The following JAZF1 variants were observed in gnomAD, a reference collection of about 807,000 sequenced individuals.
JAZF1 encodes the protein JAZF zinc finger 1.
JAZF1 carries 8 observed loss-of-function variants against 26.4 expected under a neutral mutation model. That is an observed-to-expected ratio of 0.30 (90% CI 0.18 to 0.55). The LOEUF is 0.55. Ranked by LOEUF, JAZF1 falls within the 20% of genes least tolerant of loss-of-function variation. The pLI, the probability that JAZF1 is intolerant of heterozygous loss-of-function variation, is 0.94. For synonymous variants in JAZF1, 126 were observed against 122.3 expected, an observed-to-expected ratio of 1.03 and a Z score of -0.20; for missense variants, 199 against 322.0, an observed-to-expected ratio of 0.62 and a Z score of 2.92.
chr7:28,067,772 A>T (rs1461638759), intron 1 of JAZF1, among the ~76,000 whole-genome samples: 1 of 152,216 alleles, frequency 6.6e-6, no homozygotes, highest in Non-Finnish European at 1.5e-5. Context: ...TGCTCAAACC[A>T]ATCTTCAAAC....
At chr7:28,007,009 C>T (rs1782712915) in intron 1 of JAZF1, among the ~76,000 whole-genome samples, 2 of 152,172 alleles carry the variant, frequency 1.3e-5, no homozygotes, top group Non-Finnish European at 1.5e-5. Flanking sequence ...CCCAGAAGCA[C>T]ATGGAACACT....
At chr7:27,835,386 GC>G (rs1440528634) in intron 4 of JAZF1, among the ~76,000 whole-genome samples, 10 of 152,302 alleles carry the variant, frequency 6.6e-5, no homozygotes, top group African/African-American at 2.4e-4. Flanking sequence ...AGAAGGACAA[GC>G]CAGGGCTGAG....
At chr7:27,976,238 C>A (rs760384730) in intron 2 of JAZF1, among the ~76,000 whole-genome samples, 3 of 149,080 alleles carry the variant, frequency 2.0e-5, no homozygotes, top group African/African-American at 7.5e-5. Flanking sequence ...CCCAGCTACT[C>A]GGGAGGCTGA....
chr7:27,889,484 C>A (rs1427661572), intron 3 of JAZF1, among the ~76,000 whole-genome samples: 4 of 152,160 alleles, frequency 2.6e-5, no homozygotes, highest in African/African-American at 9.7e-5. Context: ...AATTCTATAT[C>A]TTCCAATCAT....
chr7:27,834,014 A>T (rs960438163), intron 4 of JAZF1, among the ~76,000 whole-genome samples: 4 of 152,240 alleles, frequency 2.6e-5, no homozygotes, highest in African/African-American at 9.6e-5. Context: ...TGAAACAAAA[A>T]GCACAGATTT....
chr7:27,899,582 G>A (rs941633257), intron 2 of JAZF1, among the ~76,000 whole-genome samples: 4 of 151,708 alleles, frequency 2.6e-5, no homozygotes, highest in Non-Finnish European at 4.4e-5. Flanking sequence ...CTACAGGCAC[G>A]CCCCCCCATG....
chr7:28,168,648 A>C (rs1195894628), intron 1 of JAZF1, among the ~76,000 whole-genome samples: 1 of 152,100 alleles, frequency 6.6e-6, no homozygotes, highest in Admixed American at 6.5e-5. Context: ...TTTCACCACC[A>C]CAGGTGCCCT....
At chr7:28,090,391 A>G (rs779539104) in intron 1 of JAZF1, among the ~76,000 whole-genome samples, 14 of 152,222 alleles carry the variant, frequency 9.2e-5, no homozygotes, top group Non-Finnish European at 1.6e-4. Flanking sequence ...AGTTTCTTCA[A>G]TAACTGCCTA....
At chr7:27,920,878 A>G (rs1784518344) in intron 2 of JAZF1, among the ~76,000 whole-genome samples, 1 of 152,222 alleles carries the variant, frequency 6.6e-6, no homozygotes, top group Non-Finnish European at 1.5e-5. Flanking sequence ...TCCTAATGTA[A>G]AACACAGCTG....
intron 1 of JAZF1, among the ~76,000 whole-genome samples, chr7:28,049,336 G>A (rs939263540): frequency 3.3e-5 from 5 of 151,596 alleles, no homozygotes; most frequent in Admixed American, 2.0e-4. Flanking sequence ...CATCTGCCTC[G>A]GCCTCCCAAA....
chr7:27,864,003 G>C (rs1232656245), intron 3 of JAZF1: 1 of 152,304 alleles, frequency 6.6e-6, no homozygotes, highest in East Asian at 1.9e-4. Context: ...GAGCACAGGA[G>C]AATGCAGGGG....
chr7:27,914,170 GA>G (rs1416553339), intron 2 of JAZF1, among the ~76,000 whole-genome samples: 3 of 152,264 alleles, frequency 2.0e-5, no homozygotes, highest in Admixed American at 6.5e-5. Flanking sequence ...TTGTAAACTG[GA>G]AAGTTGAGTC....
chr7:28,019,351 G>A (rs767537557), intron 1 of JAZF1, among the ~76,000 whole-genome samples: 8 of 152,274 alleles, frequency 5.3e-5, no homozygotes, highest in South Asian at 2.1e-4. Flanking sequence ...ACAAAGGCAC[G>A]TAGGGTGGCA....
chr7:28,170,875 G>T (rs780270875), intron 1 of JAZF1, among the ~76,000 whole-genome samples: 1 of 152,140 alleles, frequency 6.6e-6, no homozygotes, highest in East Asian at 1.9e-4. Context: ...TGGCTACCCC[G>T]GGCATTTTCC....
At chr7:27,921,192 T>A (rs1413191075) in intron 2 of JAZF1, among the ~76,000 whole-genome samples, 2 of 152,230 alleles carry the variant, frequency 1.3e-5, no homozygotes, top group Non-Finnish European at 2.9e-5. Context: ...CCGGACAGAG[T>A]CATCTGATCT....
At position 28,169,508 on chromosome 7, in the gene JAZF1, T is replaced by C. The variant is rs1042824624; in HGVS notation, c.115+10955A>G. Among the ~76,000 whole-genome samples, 2 of 152,198 alleles carry C rather than the reference T, an allele frequency of 1.3e-5. 1 individual carries two copies. The highest frequency in any genetic ancestry group is 4.1e-4 in the South Asian group (2 of 4,836). Reference sequence around the variant, plus strand: ...CCTGTGTGACACTTGCTATCAGTCCTGAAGATGAGTCATACTCCACAGTCT... The same window carrying C: ...CCTGTGTGACACTTGCTATCAGTCCCGAAGATGAGTCATACTCCACAGTCT... On this transcript the variant is annotated intron_variant, in intron 1 of 4. Coordinates refer to ENST00000283928, the MANE Select transcript of JAZF1 (RefSeq NM_175061.4).
At chr7:27,907,538 T>C (rs146464476) in intron 2 of JAZF1, among the ~76,000 whole-genome samples, 6 of 152,206 alleles carry the variant, frequency 3.9e-5, no homozygotes, top group African/African-American at 1.4e-4. Flanking sequence ...AGTGCTTCTC[T>C]GATGTTGCAT....
intron 1 of JAZF1, among the ~76,000 whole-genome samples, chr7:28,120,521 T>TTTTTTTTTTG: frequency 1.0e-5 from 1 of 99,466 alleles, no homozygotes; most frequent in Non-Finnish European, 1.8e-5. Context: ...TTTTTTTTTT[T>TTTTTTTTTTG]TTTTTGAGAC....
intron 2 of JAZF1, among the ~76,000 whole-genome samples, chr7:27,922,402 CCAT>C (rs1405447096): frequency 4.6e-5 from 7 of 152,092 alleles, no homozygotes; most frequent in Admixed American, 4.6e-4. Context: ...GCTCACACCA[CCAT>C]GTCTGGCTAA....
Sources: gnomAD v4.1 joint callset for allele counts (sites outside exome capture counted in the v4.1 genomes callset) on GRCh38, gnomAD v4.1.1 for gene constraint, MANE v1.5 for transcripts, NCBI Gene and HGNC (gene_info 2026-07-23, HGNC 2026-07-21) for gene names.